Variants in MERTK observed in about 807,000 individuals in gnomAD.
MERTK encodes MER proto-oncogene, tyrosine kinase.
In MERTK, 69 loss-of-function variants were observed where a neutral mutation model predicts 99.3. The ratio of observed to expected loss-of-function variants is 0.70; its 90% confidence interval spans 0.57 to 0.85. The LOEUF (loss-of-function observed/expected upper bound fraction) is 0.85. MERTK is among the 40% of genes least tolerant of loss of function. The pLI is 0.00. For missense variants in MERTK, 1,125 were observed against 1,249.4 expected (o/e 0.90, Z 1.50); for synonymous variants, 426 against 467.6 (o/e 0.91, Z 1.15).
chr2:111,971,058 A>G (rs1260804502), intron 6 of MERTK, among the ~76,000 whole-genome samples: 1 of 152,050 alleles, frequency 6.6e-6, no homozygotes. Flanking sequence ...TTTCTATGTT[A>G]TAGGAACTTG....
intron 1 of MERTK, among the ~76,000 whole-genome samples, chr2:111,902,047 G>A (rs1684054195): frequency 6.6e-6 from 1 of 152,014 alleles, no homozygotes. Context: ...CACCACGCCT[G>A]GCTAATTTTG....
Position 111,976,406 on chromosome 2 carries a change from G to C in MERTK, c.1144+934G>C, listed in dbSNP as rs139649171. The stretch of plus-strand genomic sequence containing the variant: ...GAGGCAGGTGAAAGGAGGGCGGGAA[G>C]AGGTCAGAGAGATTGTTTTCTGAGG... On this transcript the variant is annotated intron_variant, in intron 7 of 18. Coordinates refer to ENST00000295408, the MANE Select transcript of MERTK (RefSeq NM_006343.3). Among the ~76,000 whole-genome samples, 17 of 152,282 alleles carry C rather than the reference G, an allele frequency of 1.1e-4. 1 individual carries two copies. The East Asian group carries it at 3.1e-3, about 28-fold the overall frequency.
chr2:111,942,405 A>G (rs1219222800), intron 2 of MERTK, among the ~76,000 whole-genome samples: 2 of 152,196 alleles, frequency 1.3e-5, no homozygotes, highest in African/African-American at 4.8e-5. Flanking sequence ...CTCAACCACT[A>G]GTCATTGCCC....
chr2:111,939,103 G>A (rs781305412), intron 2 of MERTK, among the ~76,000 whole-genome samples: 2 of 152,044 alleles, frequency 1.3e-5, no homozygotes, highest in South Asian at 2.1e-4. Context: ...ATAAAGAAAG[G>A]AAATTTATTT....
chr2:111,950,634 G>T (rs1685037729), intron 4 of MERTK, among the ~76,000 whole-genome samples: 1 of 152,134 alleles, frequency 6.6e-6, no homozygotes, highest in African/African-American at 2.4e-5. Context: ...GTTTTAGTTT[G>T]CATTTCATTT....
At position 112,003,966 on chromosome 2, in the gene MERTK, G is replaced by T. The variant is rs1676926693; in HGVS notation, c.1849G>T (p.Ala617Ser). Reference protein sequence around the residue: ...KQEDGTSLKVAVKTMKLDNSS... With the variant: ...KQEDGTSLKVSVKTMKLDNSS... ...GGAAGATGGGACCTCTCTGAAAGTG[G>T]CAGTGAAGACCATGAAGTGTGAGTT... The change falls in exon 13 of 19, where the codon GCA becomes TCA. Residue 617 changes from alanine to serine, a missense_variant. By Grantham distance (99) the Ala-to-Ser change is moderately conservative (BLOSUM62 1). Coordinates refer to ENST00000295408, the MANE Select transcript of MERTK (RefSeq NM_006343.3). 1.2e-6 allele frequency: 2 copies of T among 1,613,300 alleles called. No homozygotes were observed. Among genetic ancestry groups the T allele is most frequent in the South Asian group, 1.1e-5 (1 of 91,066 alleles).
chr2:111,898,791 G>T lies in MERTK; in HGVS notation c.56G>T (p.Arg19Leu), dbSNP rs1017599113. 2 of 1,593,482 alleles carry T rather than the reference G, an allele frequency of 1.3e-6. No individual in the cohort carries two copies. Among genetic ancestry groups the T allele is most frequent in the Admixed American group, 3.5e-5 (2 of 57,436 alleles). Residue 19 changes from arginine (R) to leucine (L), a missense_variant, in exon 1 of 19, where the codon CGT becomes CTT. Transcript: ENST00000295408. ...LLGLFLPALW[R>L]RAITEAREEA... The stretch of plus-strand genomic sequence containing the variant: ...GGCCTCTTCCTCCCCGCGCTCTGGC[G>T]TAGAGGTGAGTGCGCCCGGCTGGGG...
chr2:111,908,258 C>G (rs184541522), intron 1 of MERTK, among the ~76,000 whole-genome samples: 6 of 152,290 alleles, frequency 3.9e-5, no homozygotes, highest in African/African-American at 1.4e-4. Flanking sequence ...ATCAGGTGGG[C>G]CAACCAGTAA....
intron 4 of MERTK, 150 bp downstream of exon 4, chr2:111,947,717 A>C: frequency 1.1e-6 from 1 of 922,480 alleles, no homozygotes; most frequent in Non-Finnish European, 1.7e-6. Context: ...GTAGACGGGA[A>C]GGCAGGTGGG....
At chr2:111,936,308 A>G (rs1684764256) in intron 2 of MERTK, among the ~76,000 whole-genome samples, 1 of 152,214 alleles carries the variant, frequency 6.6e-6, no homozygotes, top group Non-Finnish European at 1.5e-5. Context: ...GTATATTACT[A>G]AAAGTCTTCA....
rs1676826117 is a variant in MERTK at position 111,999,647 on chromosome 2, GAT to G, written c.1605-1553_1605-1552del. On this transcript the variant is annotated intron_variant, in intron 10 of 18. Coordinates refer to ENST00000295408, the MANE Select transcript of MERTK (RefSeq NM_006343.3). Reference sequence around the variant, plus strand: ...AGAAACATTGAGAAGATAGTACAGAGATTTCTCATATGCTCCATACCTAGTTT... The same window carrying G: ...AGAAACATTGAGAAGATAGTACAGAGTTCTCATATGCTCCATACCTAGTTT... Among the ~76,000 whole-genome samples the G allele has an allele frequency of 2.0e-5, 3 of 152,262 alleles. No individual in the cohort carries two copies. In the South Asian group the frequency reaches 6.2e-4, roughly 32 times the overall value.
At chr2:112,012,976 G>A (rs1469122318) in intron 15 of MERTK, among the ~76,000 whole-genome samples, 2 of 152,292 alleles carry the variant, frequency 1.3e-5, no homozygotes, top group South Asian at 4.1e-4. Context: ...TCCAGCTGAC[G>A]TTGTTGGTAT....
At chr2:111,913,958 A>G (rs1684297961) in intron 1 of MERTK, among the ~76,000 whole-genome samples, 1 of 150,978 alleles carries the variant, frequency 6.6e-6, no homozygotes, top group Admixed American at 6.6e-5. Context: ...TACTTGCTTT[A>G]TTGCATTGGT....
chr2:111,942,031 T>A (rs1684874747), intron 2 of MERTK, among the ~76,000 whole-genome samples: 2 of 152,194 alleles, frequency 1.3e-5, no homozygotes, highest in Non-Finnish European at 2.9e-5. Context: ...GTACCTCTGG[T>A]CTGGGTGCAG....
intron 6 of MERTK, 130 bp downstream of exon 6, chr2:111,968,382 C>A: frequency 1.4e-6 from 1 of 737,562 alleles, no homozygotes; most frequent in Non-Finnish European, 2.4e-6. Context: ...GACCTCCCTG[C>A]TTCAGTGTCC....
At chr2:111,904,011 G>A (rs930476543) in intron 1 of MERTK, among the ~76,000 whole-genome samples, 1 of 152,126 alleles carries the variant, frequency 6.6e-6, no homozygotes, top group Non-Finnish European at 1.5e-5. Flanking sequence ...CTTTGGTGAA[G>A]GGGCCCTCCG....
intron 2 of MERTK, among the ~76,000 whole-genome samples, chr2:111,937,309 A>G (rs188783938): frequency 6.6e-6 from 1 of 151,614 alleles, no homozygotes; most frequent in African/African-American, 2.4e-5. Flanking sequence ...AAAATTAGGC[A>G]GACATGGTGG....
At chr2:111,992,187 A>T (rs1676633969) in intron 8 of MERTK, among the ~76,000 whole-genome samples, 1 of 152,110 alleles carries the variant, frequency 6.6e-6, no homozygotes, top group Non-Finnish European at 1.5e-5. Flanking sequence ...ATCTGAACAG[A>T]TAGGTCTTGT....
intron 1 of MERTK, among the ~76,000 whole-genome samples, chr2:111,921,727 C>T (rs972912747): frequency 2.4e-4 from 37 of 152,196 alleles, no homozygotes; most frequent in Admixed American, 2.2e-3. Flanking sequence ...AGCCCTCACT[C>T]TTTTGCAGCC....
Sources: allele counts gnomAD v4.1 joint callset (sites outside exome capture counted in the v4.1 genomes callset), GRCh38; gene constraint gnomAD v4.1.1; transcripts MANE v1.5; gene names NCBI Gene and HGNC (gene_info 2026-07-23, HGNC 2026-07-21).